The following TAFA5 variants were observed in gnomAD, a reference collection of about 807,000 sequenced individuals.
The protein encoded by TAFA5 is chemokine-like protein TAFA-5.
In TAFA5, 6 loss-of-function variants were observed where a neutral mutation model predicts 15.3. The observed-to-expected ratio is 0.39, with a 90% confidence interval of 0.21 to 0.77. TAFA5 has a LOEUF of 0.77. Ranked by LOEUF, TAFA5 falls within the 30% of genes least tolerant of loss-of-function variation. TAFA5 has a pLI of 0.41. For synonymous variants in TAFA5, 103 were observed against 80.7 expected (o/e 1.28, Z -1.48); for missense variants, 161 against 193.1 (o/e 0.83, Z 0.98).
chr22:48,679,731 C>A (rs956214037), intron 2 of TAFA5, among the ~76,000 whole-genome samples: 2 of 114,408 alleles, frequency 1.7e-5, no homozygotes, highest in Middle Eastern at 5.2e-3. Flanking sequence ...GCTCCCCGTC[C>A]ATCCCTCTCC....
At chr22:48,527,913 C>A (rs557474626) in intron 1 of TAFA5, among the ~76,000 whole-genome samples, 1 of 152,350 alleles carries the variant, frequency 6.6e-6, no homozygotes, top group South Asian at 2.1e-4. Flanking sequence ...CAGGTGCAAT[C>A]CCGCCTTCCC....
chr22:48,583,382 A>G (rs1924170710), intron 1 of TAFA5, among the ~76,000 whole-genome samples: 1 of 150,320 alleles, frequency 6.7e-6, no homozygotes, highest in Non-Finnish European at 1.5e-5. Context: ...CACACCACAT[A>G]CAAAATACAC....
intron 1 of TAFA5, among the ~76,000 whole-genome samples, chr22:48,626,041 G>A (rs924416864): frequency 1.3e-5 from 2 of 152,128 alleles, no homozygotes; most frequent in Non-Finnish European, 2.9e-5. Context: ...TGTTATCCCC[G>A]AGTAAGATTC....
intron 1 of TAFA5, among the ~76,000 whole-genome samples, chr22:48,513,530 A>G (rs886668119): frequency 2.6e-5 from 4 of 152,160 alleles, no homozygotes; most frequent in South Asian, 2.1e-4. Flanking sequence ...CTGCAGTGTG[A>G]CCAGACCCAT....
At chr22:48,540,489 G>T (rs2147118605) in intron 1 of TAFA5, among the ~76,000 whole-genome samples, 1 of 152,280 alleles carries the variant, frequency 6.6e-6, no homozygotes, top group African/African-American at 2.4e-5. Flanking sequence ...GAGGTCTAAT[G>T]GGGCACATAA....
intron 3 of TAFA5, among the ~76,000 whole-genome samples, chr22:48,720,817 G>A (rs1929546674): frequency 6.6e-6 from 1 of 152,172 alleles, no homozygotes; most frequent in South Asian, 2.1e-4. Context: ...GCCTGGCTGT[G>A]GTCTAGAGGA....
chr22:48,514,760 A>T (rs1355060172), intron 1 of TAFA5, among the ~76,000 whole-genome samples: 2 of 152,256 alleles, frequency 1.3e-5, no homozygotes, highest in Non-Finnish European at 2.9e-5. Context: ...GCAAAAAGGG[A>T]AAATCCACTG....
At chr22:48,500,259 C>T (rs1920944906) in intron 1 of TAFA5, among the ~76,000 whole-genome samples, 1 of 152,148 alleles carries the variant, frequency 6.6e-6, no homozygotes, top group African/African-American at 2.4e-5. Context: ...CTCGTCTGGG[C>T]CCTGACCCCA....
rs189632570 is a variant in TAFA5, at chr22:48,746,293, C to T, written c.391-3546C>T. On this transcript the variant is annotated intron_variant, in intron 3 of 3. Coordinates refer to ENST00000402357, the MANE Select transcript of TAFA5 (RefSeq NM_001082967.3). ...GGAAGCACCCCACTCGTCAGGCAGG[C>T]AGACACCCCAGTCACCCGTCACTCT... 1.9e-3 allele frequency among the ~76,000 whole-genome samples: 289 copies of T among 152,202 alleles called. 1 individual carries two copies. Among genetic ancestry groups the T allele is most frequent in the African/African-American group, 6.6e-3 (273 of 41,518 alleles).
At chr22:48,542,623 G>GTGTGA (rs1922484607) in intron 1 of TAFA5, among the ~76,000 whole-genome samples, 3 of 100,158 alleles carry the variant, frequency 3.0e-5, no homozygotes, top group African/African-American at 8.5e-5. Flanking sequence ...TGTGTGTGGT[G>GTGTGA]TGTGTGGGTG....
intron 1 of TAFA5, among the ~76,000 whole-genome samples, chr22:48,617,485 G>A (rs537430238): frequency 1.1e-4 from 16 of 152,304 alleles, no homozygotes; most frequent in South Asian, 4.1e-4. Context: ...TACTGCAGCC[G>A]TGTGGAGCTC....
intron 2 of TAFA5, among the ~76,000 whole-genome samples, chr22:48,680,925 G>C (rs1244116910): frequency 6.6e-6 from 1 of 152,212 alleles, no homozygotes; most frequent in African/African-American, 2.4e-5. Context: ...ATGGAGAAAA[G>C]GGCCCCCAGG....
At chr22:48,641,978 C>T (rs1926697482) in intron 1 of TAFA5, among the ~76,000 whole-genome samples, 1 of 152,164 alleles carries the variant, frequency 6.6e-6, no homozygotes, top group African/African-American at 2.4e-5. Flanking sequence ...AAGGCCGGCG[C>T]CGTGGGTAGA....
chr22:48,643,644 G>T (rs1253752643), intron 1 of TAFA5, among the ~76,000 whole-genome samples: 1 of 152,222 alleles, frequency 6.6e-6, no homozygotes, highest in Non-Finnish European at 1.5e-5. Flanking sequence ...GCGGCTTAGT[G>T]ACTAGGCTCA....
chr22:48,542,078 T>A (rs1601566057), intron 1 of TAFA5, among the ~76,000 whole-genome samples: 1 of 148,350 alleles, frequency 6.7e-6, no homozygotes, highest in East Asian at 2.0e-4. Flanking sequence ...TGTGTGCGTG[T>A]GTGTGTGTGC....
chr22:48,502,403 G>T (rs1475416798), intron 1 of TAFA5, among the ~76,000 whole-genome samples: 7 of 119,164 alleles, frequency 5.9e-5, no homozygotes, highest in Non-Finnish European at 9.8e-5. Flanking sequence ...CTGCATTTCT[G>T]GGGGAGCTGG....
intron 1 of TAFA5, among the ~76,000 whole-genome samples, chr22:48,589,524 AG>A (rs1924483501): frequency 6.6e-6 from 1 of 151,960 alleles, no homozygotes; most frequent in Non-Finnish European, 1.5e-5. Flanking sequence ...CTGGAAACCC[AG>A]GGTCGGTTGG....
In TAFA5 at chr22:48,560,263, T is replaced by C. The variant is rs1197703997; in HGVS notation, c.112+70559T>C. On this transcript the variant is annotated intron_variant, in intron 1 of 3. Coordinates refer to ENST00000402357, the MANE Select transcript of TAFA5 (RefSeq NM_001082967.3). The surrounding 1 kb of genome is among the most constrained non-coding windows in gnomAD (Gnocchi z 4.2). ...TGTCCCTGTCGTGCGCCCAGGCTGG[T>C]GCCGTCAGGCTCCCGGCATTGGTGC... Among the ~76,000 whole-genome samples, 1 of 152,220 alleles carries C rather than the reference T, an allele frequency of 6.6e-6. No individual in the cohort carries two copies. The highest frequency in any genetic ancestry group is 2.4e-5 in the African/African-American group (1 of 41,456).
intron 1 of TAFA5, among the ~76,000 whole-genome samples, chr22:48,584,976 C>G (rs1273328666): frequency 6.8e-6 from 1 of 146,836 alleles, no homozygotes; most frequent in Admixed American, 6.8e-5. Context: ...GAAAATACAT[C>G]ACACACATTC....
Sources: gnomAD v4.1 joint callset for allele counts (sites outside exome capture counted in the v4.1 genomes callset) on GRCh38, gnomAD v4.1.1 for gene constraint, Gnocchi (gnomAD v3.1) non-coding constraint, MANE v1.5 for transcripts, NCBI Gene and HGNC (gene_info 2026-07-23, HGNC 2026-07-21) for gene names.